The following DARS1 variants were observed in gnomAD, a reference collection of about 807,000 sequenced individuals.
The protein encoded by DARS1 is aspartate--tRNA ligase, cytoplasmic.
Under a neutral mutation model 68.8 loss-of-function variants are expected in DARS1, and 51 were observed. That is an observed-to-expected ratio of 0.74 (90% CI 0.59 to 0.94). The LOEUF (loss-of-function observed/expected upper bound fraction) is 0.94, where lower values mean the gene tolerates loss of function less well. DARS1 is among the 40% of genes least tolerant of loss of function. The pLI, the probability that DARS1 is intolerant of heterozygous loss-of-function variation, is 0.00. For missense variants in DARS1, 607 were observed against 597.3 expected, an observed-to-expected ratio of 1.02 and a Z score of -0.17; for synonymous variants, 203 against 190.4, an observed-to-expected ratio of 1.07 and a Z score of -0.55.
chr2:135,920,457 C>T lies in DARS1; in HGVS notation c.955G>A (p.Glu319Lys). 3 of 1,611,630 alleles carry T rather than the reference C, an allele frequency of 1.9e-6. No individual in the cohort carries two copies. The highest frequency in any genetic ancestry group is 2.2e-5 in the South Asian group (2 of 90,532). ...GGTGCATAAAATACTTTTTACCTTTCTTGAAGTCCTTTGAATATTTGTACC... is the reference window on the plus strand; with the variant it reads ...GGTGCATAAAATACTTTTTACCTTTTTTGAAGTCCTTTGAATATTTGTACC... ...TMVQIFKGLQERFQTEIQTVN... is the reference protein window; with the variant it reads ...TMVQIFKGLQKRFQTEIQTVN... The change falls in exon 10 of 16, where the codon GAA becomes AAA. Residue 319 changes from glutamate (E) to lysine (K), a missense_variant. Glu to Lys is a moderately conservative substitution (Grantham distance 56, BLOSUM62 1). Transcript: ENST00000264161.
At chr2:135,916,820 A>G (rs1408808337) in intron 10 of DARS1, among the ~76,000 whole-genome samples, 1 of 152,090 alleles carries the variant, frequency 6.6e-6, no homozygotes, top group African/African-American at 2.4e-5. Flanking sequence ...TGCCTACCCT[A>G]TATATATAGA....
intron 12 of DARS1, among the ~76,000 whole-genome samples, chr2:135,913,989 T>C (rs903577082): frequency 3.9e-5 from 6 of 152,224 alleles, no homozygotes; most frequent in African/African-American, 1.4e-4. Flanking sequence ...CATTATATCA[T>C]TATCTTAAAA....
chr2:135,960,226 T>C (rs1334060788), intron 4 of DARS1, among the ~76,000 whole-genome samples: 2 of 152,196 alleles, frequency 1.3e-5, no homozygotes, highest in African/African-American at 2.4e-5. Context: ...GTGGGGCTAC[T>C]GTATTAGTAG....
chr2:135,973,281 T>C (rs1280324707), intron 3 of DARS1, among the ~76,000 whole-genome samples: 1 of 152,162 alleles, frequency 6.6e-6, no homozygotes, highest in Non-Finnish European at 1.5e-5. Flanking sequence ...ACAACATAGA[T>C]GGAACTGGAG....
chr2:135,924,532 C>A, intron 7 of DARS1, 34 bp from the exon 8 acceptor site: 1 of 1,583,608 alleles, frequency 6.3e-7, no homozygotes, highest in Non-Finnish European at 8.5e-7. Flanking sequence ...ATTAAATCAA[C>A]GTACTTAATT....
chr2:135,936,876 A>G (rs1219590967), intron 5 of DARS1, among the ~76,000 whole-genome samples: 1 of 152,176 alleles, frequency 6.6e-6, no homozygotes, highest in Non-Finnish European at 1.5e-5. Flanking sequence ...CTATCTCTGA[A>G]TCTGTCTGCC....
intron 3 of DARS1, among the ~76,000 whole-genome samples, chr2:135,974,420 G>GAGTGA (rs1403904575): frequency 1.3e-5 from 2 of 152,192 alleles, no homozygotes; most frequent in Non-Finnish European, 2.9e-5. Context: ...CACAAAAGCA[G>GAGTGA]AGTGAATAGT....
chr2:135,930,648 G>A (rs1681321353), intron 7 of DARS1, among the ~76,000 whole-genome samples: 1 of 152,088 alleles, frequency 6.6e-6, no homozygotes, highest in Admixed American at 6.6e-5. Context: ...ATAGTACAGG[G>A]GGTCTAGATA....
At chr2:135,967,982 G>A (rs1215063992) in intron 3 of DARS1, among the ~76,000 whole-genome samples, 2 of 152,108 alleles carry the variant, frequency 1.3e-5, no homozygotes, top group Non-Finnish European at 2.9e-5. Flanking sequence ...ATCTACGGCC[G>A]GGGGCAGTGG....
rs1558777552 is a variant in DARS1, at chr2:135,916,200, GT to G, written c.1106+25del. 4 of 1,445,130 alleles carry G rather than the reference GT, an allele frequency of 2.8e-6. No individual in the cohort carries two copies. The Admixed American group carries it at 6.9e-5, about 25-fold the overall frequency. 89.5% of individuals were successfully genotyped at this position (1,445,130 alleles called of 1,614,324 possible). On this transcript the variant is annotated intron_variant, in intron 11 of 15. Transcript: ENST00000264161. ...CTGCACATGGATCCTGGAACTTAAA[GT>G]AAAAAAAAAGCCACAAAGACAAACC...
In DARS1 at chr2:135,914,529, A is replaced by C; in HGVS notation, c.1107-18T>G. 7.4e-7 allele frequency: 1 copy of C among 1,360,356 alleles called. No individual in the cohort carries two copies. Among genetic ancestry groups the C allele is most frequent in the South Asian group, 1.2e-5 (1 of 85,976 alleles). The allele number at this position is 1,360,356 out of a possible 1,614,324, so 84.3% of individuals were successfully genotyped here. A position where few individuals can be genotyped will look rare whatever the true frequency, so the allele number is the denominator to read the frequency against. ...TTGGTGTGCTGAAAAAGAAACGTGA[A>C]ATCAGTGTTTGAAGATCAAATGGCA... On this transcript the variant is annotated intron_variant, in intron 11 of 15. Coordinates refer to ENST00000264161, the MANE Select transcript of DARS1 (RefSeq NM_001349.4).
intron 4 of DARS1, among the ~76,000 whole-genome samples, chr2:135,945,634 T>C (rs1681703728): frequency 6.6e-6 from 1 of 152,244 alleles, no homozygotes; most frequent in Non-Finnish European, 1.5e-5. Flanking sequence ...TTTAGTACTT[T>C]AATTTCGTAG....
chr2:135,968,362 G>T (rs1331650717), intron 3 of DARS1, among the ~76,000 whole-genome samples: 1 of 152,190 alleles, frequency 6.6e-6, no homozygotes, highest in Non-Finnish European at 1.5e-5. Context: ...TTGTAACAGA[G>T]TATCTGAAAT....
intron 5 of DARS1, among the ~76,000 whole-genome samples, chr2:135,935,157 C>T (rs1016722300): frequency 6.6e-6 from 1 of 152,180 alleles, no homozygotes. Flanking sequence ...AAATTCAGTC[C>T]AGCTCTGCTG....
At chr2:135,917,954 C>G (rs1011893396) in intron 10 of DARS1, among the ~76,000 whole-genome samples, 2 of 151,858 alleles carry the variant, frequency 1.3e-5, no homozygotes, top group African/African-American at 4.8e-5. Context: ...GAGTCTTGCT[C>G]TGTTGCCCAG....
chr2:135,980,803 T>G (rs1682612924), intron 2 of DARS1, among the ~76,000 whole-genome samples: 1 of 152,200 alleles, frequency 6.6e-6, no homozygotes, highest in African/African-American at 2.4e-5. Context: ...GTCTAAGAGA[T>G]ATGCGATAAT....
chr2:135,928,589 C>A (rs1178781594), intron 7 of DARS1, among the ~76,000 whole-genome samples: 1 of 151,352 alleles, frequency 6.6e-6, no homozygotes, highest in African/African-American at 2.4e-5. Flanking sequence ...CTCAAGTGAT[C>A]CACCCGCCTC....
At chr2:135,941,644 C>A (rs1365765226) in intron 5 of DARS1, among the ~76,000 whole-genome samples, 1 of 149,450 alleles carries the variant, frequency 6.7e-6, no homozygotes. Context: ...GCAACAAAAG[C>A]CAAAATTGAC....
At chr2:135,948,400 T>G (rs1211493198) in intron 4 of DARS1, among the ~76,000 whole-genome samples, 1 of 152,170 alleles carries the variant, frequency 6.6e-6, no homozygotes, top group Non-Finnish European at 1.5e-5. Flanking sequence ...CAGTTGTTTA[T>G]CTCCCTTGCC....
Sources: gnomAD v4.1 joint callset for allele counts (sites outside exome capture counted in the v4.1 genomes callset) on GRCh38, gnomAD v4.1.1 for gene constraint, MANE v1.5 for transcripts, NCBI Gene and HGNC (gene_info 2026-07-23, HGNC 2026-07-21) for gene names.